Variants in ITGA2B observed in about 807,000 individuals in gnomAD.
ITGA2B encodes the protein integrin subunit alpha 2b, also known as integrin alpha-IIb.
In ITGA2B, 91 loss-of-function variants were observed where a neutral mutation model predicts 142.0. The ratio of observed to expected loss-of-function variants is 0.64; its 90% CI spans 0.54 to 0.76. ITGA2B has a LOEUF of 0.76. Among genes scored for constraint, ITGA2B ranks in the 30% least tolerant of loss-of-function variants. The probability of loss-of-function intolerance (pLI) is 0.00; values close to 1 mark genes in which losing one functional copy is unlikely to be tolerated. For missense variants in ITGA2B, 1,231 were observed against 1,350.8 expected (o/e 0.91, Z 1.39); for synonymous variants, 536 against 567.2 (o/e 0.94, Z 0.78).
In ITGA2B at chr17:44,375,832, C is replaced by A; in HGVS notation, c.2601+1G>T. 6.3e-7 allele frequency: 1 copy of A among 1,576,278 alleles called. No individual in the cohort carries two copies. Among genetic ancestry groups the A allele is most frequent in the Non-Finnish European group, 8.6e-7 (1 of 1,160,320 alleles). Reference sequence around the variant, plus strand: ...AGGTCTTTCTTCCACCCAGCTCTTACCTTGAGAGGGTTGACAGGAGGCTGT... The same window carrying A: ...AGGTCTTTCTTCCACCCAGCTCTTAACTTGAGAGGGTTGACAGGAGGCTGT... On this transcript the variant is annotated splice_donor_variant, in intron 25 of 29. Coordinates refer to ENST00000262407, the MANE Select transcript of ITGA2B (RefSeq NM_000419.5). LOFTEE classifies it high-confidence loss of function.
intron 2 of ITGA2B, 33 bp from the exon 3 acceptor site, chr17:44,385,954 G>T (rs2048644884): frequency 6.2e-7 from 1 of 1,614,016 alleles, no homozygotes; most frequent in South Asian, 1.1e-5. Flanking sequence ...GGGCGCTGAA[G>T]CCCGGCAGTC....
chr17:44,379,969 T>C (rs1023685356), intron 17 of ITGA2B, 33 bp downstream of exon 17: 1 of 1,612,804 alleles, frequency 6.2e-7, no homozygotes, highest in Non-Finnish European at 8.5e-7. Context: ...AGTTCTACTC[T>C]CCCAGCCCTG....
chr17:44,378,337 ACT>A (rs774490335), intron 20 of ITGA2B, 23 bp downstream of exon 20: 2 of 1,602,548 alleles, frequency 1.2e-6, no homozygotes, highest in African/African-American at 1.3e-5. Context: ...GGTCCCGGGT[ACT>A]GTTCCCAGGG....
rs1415908505 is a variant in ITGA2B at position 44,385,618 on chromosome 17, G to A, written c.507C>T (p.Gly169=). Residue 169 remains glycine, a synonymous_variant, in exon 4 of 30, where the codon GGC becomes GGT. Transcript: ENST00000262407. The stretch of plus-strand genomic sequence containing the variant: ...GACAGGGGGAGTACTCGGCGCGGCG[G>A]CCGCTCTCTGGCTGAGCCAAAAAGC... The part of the protein sequence containing the change: ...GSCFLAQPES[G]RRAEYSPCRG... 2 of 1,612,496 alleles carry A rather than the reference G, an allele frequency of 1.2e-6. No homozygotes were observed. Among genetic ancestry groups the A allele is most frequent in the Non-Finnish European group, 1.7e-6 (2 of 1,179,810 alleles).
Position 44,375,720 on chromosome 17 carries a change from G to C in ITGA2B, c.2602-4C>G, listed in dbSNP as rs764347309. Reference sequence around the variant, plus strand: ...GGATGGGCAGCCCCCAGTCCACCTGGGGGGGCAAAGGAGTGGTCAGGCCCA... The same window carrying C: ...GGATGGGCAGCCCCCAGTCCACCTGCGGGGGCAAAGGAGTGGTCAGGCCCA... On this transcript the variant is annotated splice_region_variant and splice_polypyrimidine_tract_variant and intron_variant, in intron 25 of 29. Coordinates refer to ENST00000262407, the MANE Select transcript of ITGA2B (RefSeq NM_000419.5). The C allele has an allele frequency of 3.2e-6, 5 of 1,573,246 alleles. No homozygotes were observed. Among genetic ancestry groups the C allele is most frequent in the South Asian group, 1.2e-5 (1 of 86,464 alleles).
At chr17:44,376,042 A>G (rs763951747) in intron 24 of ITGA2B, 43 bp downstream of exon 24, 1 of 1,613,940 alleles carries the variant, frequency 6.2e-7, no homozygotes, top group Admixed American at 1.7e-5. Context: ...CGGAGTTCTG[A>G]GGACCCGCTC....
At chr17:44,384,730 T>TG (rs2048628559) in intron 7 of ITGA2B, 145 bp from the exon 8 acceptor site, 2 of 1,248,390 alleles carry the variant, frequency 1.6e-6, no homozygotes, top group Non-Finnish European at 2.3e-6. Context: ...GGCCAAGCCC[T>TG]GCCCCAGGCT....
At chr17:44,385,367 G>A in intron 4 of ITGA2B, 32 bp from the exon 5 acceptor site, 1 of 1,600,928 alleles carries the variant, frequency 6.2e-7, no homozygotes. Context: ...GGTCAGCGCA[G>A]GGGTGAAGGG....
At position 44,385,638 on chromosome 17, in the gene ITGA2B, A is replaced by C; in HGVS notation, c.487T>G (p.Leu163Val). ...CGGCGGCCGCTCTCTGGCTGAGCCA[A>C]AAAGCAGCTACCTACGGGCGTCTTC... ...AEKTPVGSCF[L>V]AQPESGRRAE... Residue 163 changes from leucine to valine, a missense_variant, in exon 4 of 30, where the codon TTG becomes GTG. Coordinates refer to ENST00000262407, the MANE Select transcript of ITGA2B (RefSeq NM_000419.5). 1 of 1,613,608 alleles carries C rather than the reference A, an allele frequency of 6.2e-7. No homozygotes were observed. The highest frequency in any genetic ancestry group is 2.2e-5 in the East Asian group (1 of 44,876).
At position 44,375,207 on chromosome 17, in the gene ITGA2B, G is replaced by A. The variant is rs79808582; in HGVS notation, c.2728-96C>T. ...CCAGGACCCAACGCAGAAGGGGCCG[G>A]GGGTTCAGGAAGCGGTGGCCTTCCC... On this transcript the variant is annotated intron_variant, in intron 26 of 29. Coordinates refer to ENST00000262407, the MANE Select transcript of ITGA2B (RefSeq NM_000419.5). 6.1e-4 allele frequency: 640 copies of A among 1,046,878 alleles called. 1 individual carries two copies. The African/African-American group carries it at 8.9e-3, about 15-fold the overall frequency. 64.8% of individuals were successfully genotyped at this position (1,046,878 alleles called of 1,614,324 possible). A position where few individuals can be genotyped will look rare whatever the true frequency, so the allele number is the denominator to read the frequency against.
chr17:44,375,555 G>T, intron 26 of ITGA2B, 36 bp downstream of exon 26: 1 of 1,609,992 alleles, frequency 6.2e-7, no homozygotes, highest in Non-Finnish European at 8.5e-7. Context: ...CGTGGGTCCC[G>T]GGGAGGCCGG....
chr17:44,376,865 G>T, intron 22 of ITGA2B, 144 bp downstream of exon 22: 1 of 690,390 alleles, frequency 1.4e-6, no homozygotes, highest in Admixed American at 2.0e-5. Flanking sequence ...CTTCTGCCTT[G>T]GCCTCGCAAC....
In ITGA2B at chr17:44,384,961, G is replaced by A. The variant is rs1341886951; in HGVS notation, c.786C>T (p.Phe262=). The part of the protein sequence containing the change: ...LSFDSSNPEY[F]DGYWGYSVAV... ...TGGCGGTGTTACCCCAGTAGCCGTCGAAGTACTCTGGGTTGCTGGAGTCAA... is the reference window on the plus strand; with the variant it reads ...TGGCGGTGTTACCCCAGTAGCCGTCAAAGTACTCTGGGTTGCTGGAGTCAA... The change falls in exon 7 of 30, where the codon TTC becomes TTT. Residue 262 remains phenylalanine, a synonymous_variant. Transcript: ENST00000262407. 2.5e-6 allele frequency: 4 copies of A among 1,614,136 alleles called. No individual in the cohort carries two copies. In the African/African-American group the frequency reaches 5.3e-5, roughly 22 times the overall value.
chr17:44,384,336 G>A lies in ITGA2B; in HGVS notation c.866C>T (p.Pro289Leu), dbSNP rs1310216248. ...CGCTCCCAGGGTCCAGCTCCAAGTG[G>A]GGGCACCGACGACATATTCTGGCGA... Reference protein sequence around the residue: ...LNTTEYVVGAPTWSWTLGAVE... With the variant: ...LNTTEYVVGALTWSWTLGAVE... The change falls in exon 9 of 30, where the codon CCC becomes CTC. Residue 289 changes from proline (P) to leucine (L), a missense_variant. By Grantham distance (98) the Pro-to-Leu change is moderately conservative. Coordinates refer to ENST00000262407, the MANE Select transcript of ITGA2B (RefSeq NM_000419.5). 2 of 1,613,654 alleles carry A rather than the reference G, an allele frequency of 1.2e-6. No individual in the cohort carries two copies. Among genetic ancestry groups the A allele is most frequent in the East Asian group, 4.5e-5 (2 of 44,862 alleles).
At position 44,385,531 on chromosome 17, in the gene ITGA2B, A is replaced by G. The variant is rs777839702; in HGVS notation, c.574+20T>C. On this transcript the variant is annotated intron_variant, in intron 4 of 29. Coordinates refer to ENST00000262407, the MANE Select transcript of ITGA2B (RefSeq NM_000419.5). ...CAAGCCGTCGCGAGTGGGCGGGGCC[A>G]GGTCGTAGCTGGCGCTTACTAAAAT... 313 of 1,543,876 alleles carry G rather than the reference A, an allele frequency of 2.0e-4. No individual in the cohort carries two copies. Among genetic ancestry groups the G allele is most frequent in the Non-Finnish European group, 2.5e-4 (286 of 1,150,724 alleles).
Position 44,384,297 on chromosome 17 carries a change from G to C in ITGA2B, c.891+14C>G, listed in dbSNP as rs1477202267. The C allele has an allele frequency of 1.2e-6, 2 of 1,613,052 alleles. No individual in the cohort carries two copies. Among genetic ancestry groups the C allele is most frequent in the Non-Finnish European group, 1.7e-6 (2 of 1,179,850 alleles). On this transcript the variant is annotated intron_variant, in intron 9 of 29. Coordinates refer to ENST00000262407, the MANE Select transcript of ITGA2B (RefSeq NM_000419.5). ...ATAAGGGGCTTCGGGAGGCCCAGTGGTGGGGGCACTTACCGCTCCCAGGGT... is the reference window on the plus strand; with the variant it reads ...ATAAGGGGCTTCGGGAGGCCCAGTGCTGGGGGCACTTACCGCTCCCAGGGT...
chr17:44,375,498 C>T (rs540018137), intron 26 of ITGA2B, 93 bp downstream of exon 26: 2 of 1,483,062 alleles, frequency 1.3e-6, no homozygotes, highest in South Asian at 2.5e-5. Context: ...CCCACAGAGG[C>T]CCACAGCACA....
At chr17:44,387,852 AAAGAAG>A (rs1555615279) in intron 1 of ITGA2B, among the ~76,000 whole-genome samples, 2 of 149,980 alleles carry the variant, frequency 1.3e-5, no homozygotes, top group Non-Finnish European at 1.5e-5. Context: ...AAAAAAAAAA[AAAGAAG>A]AAGAAGAAAA....
rs751970484 is a variant in ITGA2B at position 44,376,300 on chromosome 17, CCT to C, written c.2348+6_2348+7del. ...TGCCATCTCCCTTCTCCACCCCTGG[CCT>C]CTCACCCTCGCAGCTCCACTTGGGC... On this transcript the variant is annotated splice_donor_region_variant and intron_variant, in intron 23 of 29. Transcript: ENST00000262407. 3 of 1,614,172 alleles carry C rather than the reference CCT, an allele frequency of 1.9e-6. No individual in the cohort carries two copies. Among genetic ancestry groups the C allele is most frequent in the East Asian group, 2.2e-5 (1 of 44,876 alleles).
Sources: allele counts gnomAD v4.1 joint callset (sites outside exome capture counted in the v4.1 genomes callset), GRCh38; gene constraint gnomAD v4.1.1; transcripts MANE v1.5; gene names NCBI Gene and HGNC (gene_info 2026-07-23, HGNC 2026-07-21).